Variants in NKAIN4 observed in about 807,000 individuals in gnomAD.
NKAIN4 encodes the protein sodium/potassium transporting ATPase interacting 4, also known as sodium/potassium-transporting ATPase subunit beta-1-interacting protein 4.
NKAIN4 carries 28 observed loss-of-function variants against 28.8 expected under a neutral mutation model. That is an observed-to-expected ratio of 0.97 (90% CI 0.72 to 1.33). The LOEUF (loss-of-function observed/expected upper bound fraction) is 1.33, where lower values mean the gene tolerates loss of function less well. Ranked by LOEUF, NKAIN4 falls within the 40% of genes most tolerant of loss-of-function variation. The pLI is 0.00. For synonymous variants in NKAIN4, 122 were observed against 115.6 expected (o/e 1.06, Z -0.36); for missense variants, 289 against 277.2 (o/e 1.04, Z -0.30).
In NKAIN4 at chr20:63,242,480, G is replaced by A. The variant is rs1226765806; in HGVS notation, c.617+59C>T. 16 of 1,230,496 alleles carry A rather than the reference G, an allele frequency of 1.3e-5. No individual in the cohort carries two copies. In the African/African-American group the frequency reaches 1.6e-4, roughly 13 times the overall value. The allele number at this position is 1,230,496 out of a possible 1,614,324, so 76.2% of individuals were successfully genotyped here. Reference sequence around the variant, plus strand: ...AGGCCCCCAAGGAAGGCAGCCTCTCGCTGTGAGGGCCAGATTGGCCAGGCT... The same window carrying A: ...AGGCCCCCAAGGAAGGCAGCCTCTCACTGTGAGGGCCAGATTGGCCAGGCT... On this transcript the variant is annotated intron_variant, in intron 6 of 6. Transcript: ENST00000370316.
At chr20:63,254,669 G>GTT, upstream of NKAIN4, 1 of 372,486 alleles carries the variant, frequency 2.7e-6, no homozygotes. Flanking sequence ...GCGCCGGCCG[G>GTT]AGAGGGGGAC....
intron 1 of NKAIN4, chr20:63,254,111 G>T (rs1461431662): frequency 4.5e-6 from 2 of 441,952 alleles, no homozygotes; most frequent in East Asian, 5.7e-5. Context: ...GCTTCCGTCC[G>T]GCCAGCCCAT....
chr20:63,248,311 G>A (rs2123102981), intron 3 of NKAIN4: 1 of 173,474 alleles, frequency 5.8e-6, no homozygotes, highest in Non-Finnish European at 1.2e-5. Flanking sequence ...CTCGGTCAGG[G>A]TGGGCTCAGC....
intron 4 of NKAIN4, chr20:63,246,718 C>G (rs972624360): frequency 2.0e-6 from 2 of 985,352 alleles, no homozygotes; most frequent in African/African-American, 3.5e-5. Context: ...CGGCACCAGC[C>G]GTGCTGCAGT....
intron 4 of NKAIN4, chr20:63,246,680 C>T (rs2066863775): frequency 2.0e-6 from 2 of 984,560 alleles, no homozygotes; most frequent in Admixed American, 6.2e-5. Context: ...CAGGGAGCCT[C>T]GAGATCGGTC....
chr20:63,247,498 T>G, intron 4 of NKAIN4, 80 bp downstream of exon 4: 1 of 1,548,530 alleles, frequency 6.5e-7, no homozygotes, highest in Non-Finnish European at 8.7e-7. Flanking sequence ...TGGCCCCGCC[T>G]CAGGGAGATG....
Position 63,254,446 on chromosome 20 carries a change from C to A in NKAIN4, c.5G>T (p.Gly2Val). The part of the protein sequence containing the change: M[G>V]SCSGRCALVV... ...GAGCGCGCAGCGGCCGGAGCAGGAGCCCATGGTGCCCGCCTATACAGGAGG... is the reference window on the plus strand; with the variant it reads ...GAGCGCGCAGCGGCCGGAGCAGGAGACCATGGTGCCCGCCTATACAGGAGG... The change falls in exon 1 of 7, where the codon GGC becomes GTC. Residue 2 changes from glycine (G) to valine (V), a missense_variant. Transcript: ENST00000370316. 2.9e-6 allele frequency: 4 copies of A among 1,395,432 alleles called. No homozygotes were observed. The highest frequency in any genetic ancestry group is 2.8e-6 in the Non-Finnish European group (3 of 1,073,746). 86.4% of individuals were successfully genotyped at this position (1,395,432 alleles called of 1,614,324 possible). A position where few individuals can be genotyped will look rare whatever the true frequency, so the allele number is the denominator to read the frequency against.
upstream of NKAIN4, chr20:63,254,672 A>AG (rs1184996146): frequency 3.1e-5 from 10 of 323,200 alleles, no homozygotes; most frequent in African/African-American, 1.8e-4. Flanking sequence ...CCGGCCGGAG[A>AG]GGGGGACCGT....
chr20:63,247,906 A>C, intron 3 of NKAIN4, 131 bp from the exon 4 acceptor site: 1 of 1,257,744 alleles, frequency 8.0e-7, no homozygotes, highest in Non-Finnish European at 1.0e-6. Context: ...CTGTCCTCCC[A>C]CTGCACCCCG....
chr20:63,246,922 G>A, intron 4 of NKAIN4: 2 of 985,766 alleles, frequency 2.0e-6, no homozygotes, highest in East Asian at 1.1e-4. Flanking sequence ...AAGTGGCCGT[G>A]TGGCCATACC....
At position 63,241,393 on chromosome 20, in the gene NKAIN4, G is replaced by A. The variant is rs2066747986; in HGVS notation, c.*104C>T. 5.6e-6 allele frequency: 7 copies of A among 1,254,246 alleles called. No homozygotes were observed. The highest frequency in any genetic ancestry group is 5.1e-5 in the South Asian group (4 of 77,778). The allele number at this position is 1,254,246 out of a possible 1,614,324, so 77.7% of individuals were successfully genotyped here. A position where few individuals can be genotyped will look rare whatever the true frequency, so the allele number is the denominator to read the frequency against. On this transcript the variant is annotated 3_prime_UTR_variant, in exon 7 of 7. Transcript: ENST00000370316. ...GGCAGGTGCTGCCGGCCGCCTGGGGGGTGCTGGGTGGGGGCGCGTCCCAAG... is the reference window on the plus strand; with the variant it reads ...GGCAGGTGCTGCCGGCCGCCTGGGGAGTGCTGGGTGGGGGCGCGTCCCAAG...
chr20:63,243,044 C>G (rs561762951), intron 5 of NKAIN4, among the ~76,000 whole-genome samples: 7 of 152,208 alleles, frequency 4.6e-5, no homozygotes, highest in Non-Finnish European at 4.4e-5. Flanking sequence ...ATGTTCAGAC[C>G]GATGGCTTCC....
rs115519883 is a variant in NKAIN4, at chr20:63,246,524, G to A, written c.471+1054C>T. On this transcript the variant is annotated intron_variant, in intron 4 of 6. Coordinates refer to ENST00000370316, the MANE Select transcript of NKAIN4 (RefSeq NM_152864.4). ...GCCCCGGGAGCTCACGAGGCCACCC[G>A]CACCGTCACGTGTGCTCAGGCCACG... 1.0e-3 allele frequency: 987 copies of A among 985,410 alleles called. 7 individuals are homozygous for A. In the African/African-American group the frequency reaches 0.016, roughly 16 times the overall value. 61.0% of individuals were successfully genotyped at this position (985,410 alleles called of 1,614,324 possible). A position where few individuals can be genotyped will look rare whatever the true frequency, so the allele number is the denominator to read the frequency against.
chr20:63,247,629 C>G lies in NKAIN4; in HGVS notation c.420G>C (p.Leu140=). 1 of 1,547,740 alleles carries G rather than the reference C, an allele frequency of 6.5e-7. No individual in the cohort carries two copies. ...QALVSGAGCA[L]EPSYVEALHS... is the part of the protein sequence containing the mutation. The stretch of plus-strand genomic sequence containing the variant: ...GTAGGGCCTCCACATAGCTGGGCTC[C>G]AGGGCACAGCCAGCACCTGACACCA... The change falls in exon 4 of 7, where the codon CTG becomes CTC. Residue 140 remains leucine (L), a synonymous_variant. Coordinates refer to ENST00000370316, the MANE Select transcript of NKAIN4 (RefSeq NM_152864.4).
At position 63,241,601 on chromosome 20, in the gene NKAIN4, C is replaced by G. The variant is rs865930014; in HGVS notation, c.618-95G>C. ...TCCCCTTGGAGAACCTGAAATGGAACAAAGTCCAAGCAGTGGACGGCTTCA... is the reference window on the plus strand; with the variant it reads ...TCCCCTTGGAGAACCTGAAATGGAAGAAAGTCCAAGCAGTGGACGGCTTCA... On this transcript the variant is annotated intron_variant, in intron 6 of 6. Transcript: ENST00000370316. The G allele has an allele frequency of 1.8e-5, 21 of 1,159,084 alleles. No individual in the cohort carries two copies. The African/African-American group carries it at 2.0e-4, about 11-fold the overall frequency. The allele number at this position is 1,159,084 out of a possible 1,614,324, so 71.8% of individuals were successfully genotyped here.
At chr20:63,247,179 G>A in intron 4 of NKAIN4, 1 of 1,131,552 alleles carries the variant, frequency 8.8e-7, no homozygotes, top group Non-Finnish European at 1.1e-6. Flanking sequence ...GACCGGCATG[G>A]GCTCGGGGCA....
At chr20:63,244,424 C>G (rs768295390) in intron 4 of NKAIN4, 5 of 500,336 alleles carry the variant, frequency 1.0e-5, no homozygotes, top group Middle Eastern at 4.4e-4. Flanking sequence ...CTGGATGAAC[C>G]CCAGGCCAGC....
chr20:63,244,204 AC>A (rs879621681), intron 4 of NKAIN4, 120 bp from the exon 5 acceptor site: 56 of 806,192 alleles, frequency 6.9e-5, no homozygotes, highest in Non-Finnish European at 1.0e-4. Context: ...CCTCTCCTGG[AC>A]CTCAGGTTCC....
intron 1 of NKAIN4, chr20:63,253,338 T>C (rs2066994205): frequency 4.1e-6 from 4 of 985,312 alleles, no homozygotes; most frequent in South Asian, 4.7e-5. Context: ...AGCTCCTTCC[T>C]TCCTGCAGGA....
Sources: gnomAD v4.1 joint callset for allele counts (sites outside exome capture counted in the v4.1 genomes callset) on GRCh38, gnomAD v4.1.1 for gene constraint, MANE v1.5 for transcripts, NCBI Gene and HGNC (gene_info 2026-07-23, HGNC 2026-07-21) for gene names.